The following CDH6 variants were observed in gnomAD, a reference collection of about 807,000 sequenced individuals.
The protein encoded by CDH6 is cadherin-6.
In CDH6, 31 loss-of-function variants were observed where a neutral mutation model predicts 78.0. The observed-to-expected ratio is 0.40, with a 90% CI of 0.30 to 0.54. The LOEUF (loss-of-function observed/expected upper bound fraction) is 0.54. CDH6 is among the 20% of genes least tolerant of loss of function. CDH6 has a pLI of 0.56. For synonymous variants in CDH6, 376 were observed against 368.8 expected, an observed-to-expected ratio of 1.02 and a Z score of -0.23; for missense variants, 724 against 975.9, an observed-to-expected ratio of 0.74 and a Z score of 3.44.
intron 1 of CDH6, among the ~76,000 whole-genome samples, chr5:31,225,220 T>A (rs1190306240): frequency 6.6e-6 from 1 of 152,256 alleles, no homozygotes; most frequent in African/African-American, 2.4e-5. Flanking sequence ...CTGTTCTAAC[T>A]GTTCTATTTG....
At position 31,267,427 on chromosome 5, in the gene CDH6, C is replaced by G; in HGVS notation, c.-47C>G. 6.9e-7 allele frequency: 1 copy of G among 1,441,342 alleles called. No homozygotes were observed. Among genetic ancestry groups the G allele is most frequent in the South Asian group, 1.1e-5 (1 of 87,480 alleles). 89.3% of individuals were successfully genotyped at this position (1,441,342 alleles called of 1,614,324 possible). On this transcript the variant is annotated 5_prime_UTR_variant, in exon 2 of 12. Transcript: ENST00000265071. Reference sequence around the variant, plus strand: ...ATACGGTGCAGTGAAAAAGGCACTTCCAAGAGTGGGGCACTCACTACGCAC... The same window carrying G: ...ATACGGTGCAGTGAAAAAGGCACTTGCAAGAGTGGGGCACTCACTACGCAC...
intron 2 of CDH6, among the ~76,000 whole-genome samples, chr5:31,270,447 C>T (rs976563465): frequency 2.6e-5 from 4 of 152,150 alleles, no homozygotes; most frequent in Non-Finnish European, 4.4e-5. Context: ...CTCTTGAGCA[C>T]AGCACAATTT....
chr5:31,252,673 A>G (rs1217615007), intron 1 of CDH6, among the ~76,000 whole-genome samples: 3 of 152,192 alleles, frequency 2.0e-5, no homozygotes, highest in African/African-American at 7.2e-5. Context: ...AGAGCAAGTC[A>G]ATGGCATGCT....
chr5:31,205,871 A>G (rs1235777885), intron 1 of CDH6, among the ~76,000 whole-genome samples: 1 of 152,222 alleles, frequency 6.6e-6, no homozygotes, highest in Non-Finnish European at 1.5e-5. Context: ...AGCACTTACA[A>G]TATTTCAGGC....
chr5:31,287,959 G>A (rs999415146), intron 2 of CDH6, among the ~76,000 whole-genome samples: 1 of 152,194 alleles, frequency 6.6e-6, no homozygotes, highest in Non-Finnish European at 1.5e-5. Context: ...TCACATTACA[G>A]GCTGGTCGGA....
At chr5:31,302,033 A>T in intron 5 of CDH6, 78 bp from the exon 6 acceptor site, 1 of 917,648 alleles carries the variant, frequency 1.1e-6, no homozygotes. Context: ...AAGAACTGTT[A>T]GAGAATAGGT....
intron 1 of CDH6, among the ~76,000 whole-genome samples, chr5:31,231,802 A>G (rs544298528): frequency 6.6e-6 from 1 of 152,192 alleles, no homozygotes; most frequent in Non-Finnish European, 1.5e-5. Context: ...TTTCAACATA[A>G]GTTTTGGAGG....
intron 1 of CDH6, among the ~76,000 whole-genome samples, chr5:31,262,852 T>C (rs1019393204): frequency 6.6e-6 from 1 of 152,186 alleles, no homozygotes; most frequent in East Asian, 1.9e-4. Context: ...CCCTCTACTT[T>C]GCCTGCTCAG....
chr5:31,255,402 A>G (rs1055319356), intron 1 of CDH6, among the ~76,000 whole-genome samples: 6 of 152,184 alleles, frequency 3.9e-5, no homozygotes, highest in African/African-American at 1.4e-4. Context: ...GTATTAATTA[A>G]CTTGTTCTGG....
chr5:31,284,064 G>A (rs1490793337), intron 2 of CDH6, among the ~76,000 whole-genome samples: 17 of 151,978 alleles, frequency 1.1e-4, no homozygotes, highest in Admixed American at 7.2e-4. Context: ...GTTCACCCAC[G>A]TTGTCCTCCC....
Position 31,327,149 on chromosome 5 carries a change from A to G in CDH6, c.*3841A>G. ...TCAAATGCTTTGCCTGGAAATAGAT[A>G]TCCCACTGGGGATAGTGGTGTGTAA... On this transcript the variant is annotated 3_prime_UTR_variant, in exon 12 of 12. Coordinates refer to ENST00000265071, the MANE Select transcript of CDH6 (RefSeq NM_004932.4). 1 of 184,192 alleles carries G rather than the reference A, an allele frequency of 5.4e-6. No homozygotes were observed. The allele number at this position is 184,192 out of a possible 1,614,324, so 11.4% of individuals were successfully genotyped here. A position where few individuals can be genotyped will look rare whatever the true frequency, so the allele number is the denominator to read the frequency against.
intron 1 of CDH6, chr5:31,251,276 A>G (rs1013683759): frequency 6.6e-6 from 1 of 152,280 alleles, no homozygotes; most frequent in Non-Finnish European, 1.5e-5. Context: ...CCTGTAAGGC[A>G]TCATGGGCAC....
chr5:31,323,243 T>C lies in CDH6; in HGVS notation c.2308T>C (p.Trp770Arg), dbSNP rs1561076094. The change falls in exon 12 of 12, where the codon TGG becomes CGG. Residue 770 changes from tryptophan (W) to arginine (R), a missense_variant. This residue lies in a region of CDH6 where 220 missense variants were observed against 240.6 expected (regional missense o/e 0.91). Transcript: ENST00000265071. The part of the protein sequence containing the change: ...ADQDYDYLSD[W>R]GPRFKKLADM... ...TCAAGACTATGATTACCTTAGTGACTGGGGACCTCGATTCAAAAAGCTTGC... is the reference window on the plus strand; with the variant it reads ...TCAAGACTATGATTACCTTAGTGACCGGGGACCTCGATTCAAAAAGCTTGC... 4 of 1,614,164 alleles carry C rather than the reference T, an allele frequency of 2.5e-6. No homozygotes were observed. Among genetic ancestry groups the C allele is most frequent in the Non-Finnish European group, 3.4e-6 (4 of 1,179,970 alleles).
At position 31,293,999 on chromosome 5, in the gene CDH6, AAT is replaced by A; in HGVS notation, c.271_272del (p.Ile91ProfsTer13). The A allele has an allele frequency of 6.2e-7, 1 of 1,612,218 alleles. No individual in the cohort carries two copies. Among genetic ancestry groups the A allele is most frequent in the Non-Finnish European group, 8.5e-7 (1 of 1,178,730 alleles). On this transcript the variant is annotated frameshift_variant, in exon 3 of 12. Transcript: ENST00000265071. LOFTEE classifies it high-confidence loss of function. ...CAGGATAGAGGAGATGGATCACTTA[AAT>A]ATATCCTTTCAGGAGATGGAGCAGG...
chr5:31,253,811 A>C (rs1741976911), intron 1 of CDH6, among the ~76,000 whole-genome samples: 3 of 151,950 alleles, frequency 2.0e-5, no homozygotes, highest in Non-Finnish European at 4.4e-5. Context: ...AAACTATAAC[A>C]GGACTGATAC....
chr5:31,247,851 T>C (rs998363834), intron 1 of CDH6, among the ~76,000 whole-genome samples: 4 of 152,194 alleles, frequency 2.6e-5, no homozygotes, highest in Non-Finnish European at 5.9e-5. Flanking sequence ...TGACTCTAAT[T>C]GCATTAGCAA....
At chr5:31,209,639 C>A (rs980060009) in intron 1 of CDH6, among the ~76,000 whole-genome samples, 2 of 152,170 alleles carry the variant, frequency 1.3e-5, no homozygotes, top group Non-Finnish European at 2.9e-5. Flanking sequence ...TATATTGGGA[C>A]ACTTTGGACT....
chr5:31,207,150 T>A (rs1399618714), intron 1 of CDH6, among the ~76,000 whole-genome samples: 1 of 152,186 alleles, frequency 6.6e-6, no homozygotes, highest in South Asian at 2.1e-4. Context: ...AGGCATTGTG[T>A]CAAGTGCCAC....
intron 1 of CDH6, among the ~76,000 whole-genome samples, chr5:31,199,456 GTGTATATATACACACACATA>G (rs1306520675): frequency 2.3e-4 from 5 of 21,826 alleles, no homozygotes; most frequent in East Asian, 4.3e-3. Context: ...ACACACATAT[GTGTATATATACACACACATA>G]TGTGTATATA....
Sources: allele counts gnomAD v4.1 joint callset (sites outside exome capture counted in the v4.1 genomes callset), GRCh38; gene constraint gnomAD v4.1.1; regional missense constraint gnomAD v4.1.1; transcripts MANE v1.5; gene names NCBI Gene and HGNC (gene_info 2026-07-23, HGNC 2026-07-21).